Variants in CTDSPL2 observed in about 807,000 individuals in gnomAD.
CTDSPL2 encodes the protein CTD small phosphatase like 2, also known as CTD small phosphatase-like protein 2.
A neutral mutation model predicts 60.0 loss-of-function variants in CTDSPL2; 5 were observed. That is an observed-to-expected ratio of 0.08 (90% CI 0.04 to 0.18). CTDSPL2 has a LOEUF of 0.18. Among genes scored for constraint, CTDSPL2 ranks in the 10% least tolerant of loss-of-function variants. The pLI is 1.00. For missense variants in CTDSPL2, 370 were observed against 548.8 expected (o/e 0.67, Z 3.26); for synonymous variants, 186 against 189.3 (o/e 0.98, Z 0.14).
chr15:44,459,199 A>C lies in CTDSPL2; in HGVS notation c.185A>C (p.Lys62Thr). 2.5e-6 allele frequency: 4 copies of C among 1,598,680 alleles called. No individual in the cohort carries two copies. Among genetic ancestry groups the C allele is most frequent in the Non-Finnish European group, 3.4e-6 (4 of 1,172,950 alleles). ...IKKFIKGSTP[K>T]EERENPSKRS... ...AAATTTATTAAAGGAAGCACACCTA[A>C]GGTAATGATTTTACCATATACTTTC... Residue 62 changes from lysine to threonine, a missense_variant and splice_region_variant, in exon 2 of 13, where the codon AAG becomes ACG. By Grantham distance (78) the Lys-to-Thr change is moderately conservative. Around this residue, in one of 6 missense-constraint regions of CTDSPL2, gnomAD observed 287 missense variants for 296.1 expected, o/e 0.97. Coordinates refer to ENST00000260327, the MANE Select transcript of CTDSPL2 (RefSeq NM_016396.3).
rs766692694 is a variant in CTDSPL2, at chr15:44,490,800, T to C, written c.492T>C (p.Asp164=). The change falls in exon 5 of 13, where the codon GAT becomes GAC. Residue 164 remains aspartate (D), a synonymous_variant. Coordinates refer to ENST00000260327, the MANE Select transcript of CTDSPL2 (RefSeq NM_016396.3). Reference sequence around the variant, plus strand: ...TGATTTCAGGAACGTCAGGATCAGATTCTCCAGGACAGGCTGTGGAAGCTG... The same window carrying C: ...TGATTTCAGGAACGTCAGGATCAGACTCTCCAGGACAGGCTGTGGAAGCTG... ...PANKNGTSGS[D]SPGQAVEAEE... 1 of 1,612,668 alleles carries C rather than the reference T, an allele frequency of 6.2e-7. No homozygotes were observed. Among genetic ancestry groups the C allele is most frequent in the Admixed American group, 1.7e-5 (1 of 59,998 alleles).
In CTDSPL2 at chr15:44,459,219, A is replaced by G; in HGVS notation, c.186+19A>G. 1.3e-6 allele frequency: 2 copies of G among 1,558,268 alleles called. No individual in the cohort carries two copies. The highest frequency in any genetic ancestry group is 1.7e-6 in the Non-Finnish European group (2 of 1,149,266). On this transcript the variant is annotated intron_variant, in intron 2 of 12. Coordinates refer to ENST00000260327, the MANE Select transcript of CTDSPL2 (RefSeq NM_016396.3). ...ACCTAAGGTAATGATTTTACCATAT[A>G]CTTTCATATCATTAAAAGTGAAAAT... is the stretch of plus-strand genomic sequence containing the variant.
intron 1 of CTDSPL2, among the ~76,000 whole-genome samples, chr15:44,439,545 G>GC (rs1023471259): frequency 4.6e-4 from 67 of 145,270 alleles, no homozygotes; most frequent in African/African-American, 1.6e-3. Context: ...GTTTTTTTTG[G>GC]GGGGGGGGGA....
At position 44,525,077 on chromosome 15, in the gene CTDSPL2, G is replaced by GATC; in HGVS notation, c.*904_*905insTCA. The GATC allele has an allele frequency of 4.2e-6, 1 of 239,492 alleles. No homozygotes were observed. The allele number at this position is 239,492 out of a possible 1,614,324, so 14.8% of individuals were successfully genotyped here. ...CACTGTGCTCACAAATCTTTGAGGA[G>GATC]AAAGTTTGGTCACCTGTTTGGCTTG... On this transcript the variant is annotated 3_prime_UTR_variant, in exon 13 of 13. Coordinates refer to ENST00000260327, the MANE Select transcript of CTDSPL2 (RefSeq NM_016396.3).
At chr15:44,513,054 A>G (rs936059003) in intron 8 of CTDSPL2, among the ~76,000 whole-genome samples, 2 of 150,968 alleles carry the variant, frequency 1.3e-5, no homozygotes, top group Non-Finnish European at 3.0e-5. Context: ...CCTGGGGGAA[A>G]GAGCAAGACT....
At chr15:44,497,929 G>A (rs766770059) in intron 7 of CTDSPL2, among the ~76,000 whole-genome samples, 10 of 152,038 alleles carry the variant, frequency 6.6e-5, no homozygotes, top group African/African-American at 1.2e-4. Context: ...CCCAGGAGAC[G>A]GAGGTTGCAG....
At chr15:44,465,940 CTT>C (rs201191030) in intron 2 of CTDSPL2, among the ~76,000 whole-genome samples, 5 of 131,826 alleles carry the variant, frequency 3.8e-5, no homozygotes, top group African/African-American at 2.8e-5. Context: ...GTCTTGAACT[CTT>C]TTTTTTTTTT....
intron 2 of CTDSPL2, 56 bp downstream of exon 2, chr15:44,459,256 G>C: frequency 7.5e-7 from 1 of 1,331,328 alleles, no homozygotes; most frequent in Non-Finnish European, 1.0e-6. Context: ...GGCCGGGCAC[G>C]GTGGCTCACG....
At chr15:44,434,094 A>ATTTT (rs966479118) in intron 1 of CTDSPL2, among the ~76,000 whole-genome samples, 6 of 151,576 alleles carry the variant, frequency 4.0e-5, no homozygotes, top group African/African-American at 1.5e-4. Context: ...TTATTTATTT[A>ATTTT]TTTTTTTCTT....
intron 1 of CTDSPL2, among the ~76,000 whole-genome samples, chr15:44,429,193 A>G (rs2079806690): frequency 6.6e-6 from 1 of 152,214 alleles, no homozygotes; most frequent in African/African-American, 2.4e-5. Context: ...GACTTTGCCC[A>G]AGGTCATAAA....
chr15:44,492,246 G>T (rs1421464837), intron 5 of CTDSPL2, among the ~76,000 whole-genome samples: 1 of 152,174 alleles, frequency 6.6e-6, no homozygotes, highest in Admixed American at 6.5e-5. Flanking sequence ...TGAAGTGGGA[G>T]GATTGCTTGA....
At chr15:44,482,413 C>T (rs2081045513) in intron 2 of CTDSPL2, among the ~76,000 whole-genome samples, 1 of 152,154 alleles carries the variant, frequency 6.6e-6, no homozygotes, top group Admixed American at 6.5e-5. Context: ...AGTTTTGTTA[C>T]TTTTATTGTT....
At chr15:44,482,389 C>G (rs987290004) in intron 2 of CTDSPL2, among the ~76,000 whole-genome samples, 3 of 152,168 alleles carry the variant, frequency 2.0e-5, no homozygotes, top group African/African-American at 7.2e-5. Flanking sequence ...CCTTCTGGAC[C>G]CATTTTTTCC....
At chr15:44,430,253 G>A (rs1188057171) in intron 1 of CTDSPL2, among the ~76,000 whole-genome samples, 1 of 152,092 alleles carries the variant, frequency 6.6e-6, no homozygotes, top group African/African-American at 2.4e-5. Context: ...TGTCAGTTGA[G>A]TAAAATGGCA....
In CTDSPL2 at chr15:44,525,192, G is replaced by A. The variant is rs953518262; in HGVS notation, c.*1018G>A. On this transcript the variant is annotated 3_prime_UTR_variant, in exon 13 of 13. Transcript: ENST00000260327. ...TTTAGTTATTTTGCATGGGCTGGTA[G>A]TACCTCTGTTATGCTCTCAGTTACA... 2 of 385,822 alleles carry A rather than the reference G, an allele frequency of 5.2e-6. No homozygotes were observed. The highest frequency in any genetic ancestry group is 4.5e-5 in the Admixed American group (1 of 22,416). The allele number at this position is 385,822 out of a possible 1,614,324, so 23.9% of individuals were successfully genotyped here. A position where few individuals can be genotyped will look rare whatever the true frequency, so the allele number is the denominator to read the frequency against.
intron 4 of CTDSPL2, among the ~76,000 whole-genome samples, chr15:44,487,011 G>A (rs908467021): frequency 1.3e-5 from 2 of 151,998 alleles, no homozygotes; most frequent in Non-Finnish European, 1.5e-5. Flanking sequence ...CAAGTGATCC[G>A]CCCACCTCGG....
intron 1 of CTDSPL2, among the ~76,000 whole-genome samples, chr15:44,439,312 C>G (rs1279157882): frequency 6.6e-6 from 1 of 151,824 alleles, no homozygotes; most frequent in Non-Finnish European, 1.5e-5. Context: ...CCATGCCCGT[C>G]TAATTTTTGT....
At chr15:44,482,544 G>T (rs1240938778) in intron 2 of CTDSPL2, among the ~76,000 whole-genome samples, 1 of 152,140 alleles carries the variant, frequency 6.6e-6, no homozygotes, top group Non-Finnish European at 1.5e-5. Context: ...GTTCTTCAAA[G>T]ACTTTATAAA....
intron 2 of CTDSPL2, among the ~76,000 whole-genome samples, chr15:44,459,768 T>C (rs991596879): frequency 3.9e-5 from 6 of 152,222 alleles, no homozygotes; most frequent in Admixed American, 2.6e-4. Context: ...TTGAGTTGTT[T>C]CTTTTACTTT....
Sources: allele counts gnomAD v4.1 joint callset (sites outside exome capture counted in the v4.1 genomes callset), GRCh38; gene constraint gnomAD v4.1.1; regional missense constraint gnomAD v4.1.1; transcripts MANE v1.5; gene names NCBI Gene and HGNC (gene_info 2026-07-23, HGNC 2026-07-21).